Variants in BPNT1 observed in about 807,000 individuals in gnomAD.
BPNT1 encodes the protein 3'(2'),5'-bisphosphate nucleotidase 1.
A neutral mutation model predicts 36.9 loss-of-function variants in BPNT1; 28 were observed. The ratio of observed to expected loss-of-function variants is 0.76; its 90% CI spans 0.56 to 1.04. The LOEUF (loss-of-function observed/expected upper bound fraction) is 1.04, where lower values mean the gene tolerates loss of function less well. Ranked by LOEUF, BPNT1 falls within the 50% of genes least tolerant of loss-of-function variation. The pLI, the probability that BPNT1 is intolerant of heterozygous loss-of-function variation, is 0.00. For missense variants in BPNT1, 313 were observed against 372.9 expected (o/e 0.84, Z 1.32); for synonymous variants, 119 against 130.9 (o/e 0.91, Z 0.62).
chr1:220,081,100 G>A (rs148731841), intron 1 of BPNT1, among the ~76,000 whole-genome samples: 35 of 152,208 alleles, frequency 2.3e-4, no homozygotes, highest in East Asian at 1.4e-3. Flanking sequence ...CACCATGCTC[G>A]GCTAATTTTT....
intron 6 of BPNT1, among the ~76,000 whole-genome samples, chr1:220,066,594 T>G (rs539084770): frequency 1.7e-4 from 26 of 152,340 alleles, no homozygotes; most frequent in Middle Eastern, 3.4e-3. Flanking sequence ...ATACCTTAAC[T>G]ACTTTATCTC....
chr1:220,074,196 C>A, intron 2 of BPNT1, 125 bp from the exon 3 acceptor site: 1 of 754,760 alleles, frequency 1.3e-6, no homozygotes, highest in South Asian at 2.1e-5. Context: ...GAACTTAACA[C>A]CAAATGAGTT....
chr1:220,069,518 T>C (rs981596388), intron 4 of BPNT1, 86 bp from the exon 5 acceptor site: 62 of 1,017,334 alleles, frequency 6.1e-5, no homozygotes, highest in Non-Finnish European at 8.1e-5. Flanking sequence ...AATTACTCTT[T>C]TTTTCCTGTT....
intron 2 of BPNT1, among the ~76,000 whole-genome samples, chr1:220,078,044 G>A (rs530616703): frequency 8.6e-5 from 13 of 151,842 alleles, no homozygotes; most frequent in Admixed American, 6.6e-4. Context: ...GTGTCGTGGC[G>A]CTTGCCTGTA....
rs575422297 is a variant in BPNT1, at chr1:220,086,536, G to A, written c.-9+3150C>T. Reference sequence around the variant, plus strand: ...TGATCCACCCTCCTCGGCCTCCCAAGGTGCTGGGATTACAGGCATGAGCCA... The same window carrying A: ...TGATCCACCCTCCTCGGCCTCCCAAAGTGCTGGGATTACAGGCATGAGCCA... On this transcript the variant is annotated intron_variant, in intron 1 of 8. Coordinates refer to ENST00000322067, the MANE Select transcript of BPNT1 (RefSeq NM_006085.6). Among the ~76,000 whole-genome samples, 110 of 151,898 alleles carry A rather than the reference G, an allele frequency of 7.2e-4. 1 individual carries two copies. Among genetic ancestry groups the A allele is most frequent in the African/African-American group, 2.5e-3 (104 of 41,442 alleles).
intron 1 of BPNT1, among the ~76,000 whole-genome samples, chr1:220,081,585 G>A (rs563831884): frequency 2.0e-5 from 3 of 151,696 alleles, no homozygotes; most frequent in Admixed American, 6.6e-5. Flanking sequence ...CGAAATTTTC[G>A]TGACTGTCCT....
At chr1:220,079,051 A>G (rs1664867125) in intron 2 of BPNT1, among the ~76,000 whole-genome samples, 1 of 152,222 alleles carries the variant, frequency 6.6e-6, no homozygotes. Flanking sequence ...GAAGAAAAGA[A>G]TGTATCACTT....
intron 6 of BPNT1, among the ~76,000 whole-genome samples, chr1:220,065,429 G>A (rs937181550): frequency 6.6e-6 from 1 of 152,156 alleles, no homozygotes; most frequent in African/African-American, 2.4e-5. Flanking sequence ...TAAGAAACTG[G>A]CTTCAGTATG....
intron 1 of BPNT1, among the ~76,000 whole-genome samples, chr1:220,086,514 T>C (rs970900189): frequency 2.0e-5 from 3 of 151,758 alleles, no homozygotes; most frequent in Admixed American, 6.6e-5. Flanking sequence ...CCTCAAGTGA[T>C]CCACCCTCCT....
intron 5 of BPNT1, among the ~76,000 whole-genome samples, chr1:220,067,923 T>C (rs1016371414): frequency 7.9e-5 from 12 of 152,206 alleles, no homozygotes. Flanking sequence ...ATAAGCTTTC[T>C]AGGTGCTTTT....
intron 2 of BPNT1, among the ~76,000 whole-genome samples, chr1:220,076,572 C>T (rs1292550658): frequency 6.6e-6 from 1 of 150,430 alleles, no homozygotes; most frequent in Non-Finnish European, 1.5e-5. Flanking sequence ...GTAATCCCAG[C>T]TACCCAGGAG....
chr1:220,078,321 A>G (rs1489321657), intron 2 of BPNT1, among the ~76,000 whole-genome samples: 1 of 145,004 alleles, frequency 6.9e-6, no homozygotes, highest in Non-Finnish European at 1.5e-5. Context: ...TATAATATAT[A>G]TAACATATAA....
In BPNT1 at chr1:220,079,857, A is replaced by T. The variant is rs749027749; in HGVS notation, c.-8-3T>A. Reference sequence around the variant, plus strand: ...GTTACTGGAAGCCATGGTACACTCTAAAAAGAGATCAAGAAAAATGTCTTG... The same window carrying T: ...GTTACTGGAAGCCATGGTACACTCTTAAAAGAGATCAAGAAAAATGTCTTG... On this transcript the variant is annotated splice_region_variant and splice_polypyrimidine_tract_variant and intron_variant, in intron 1 of 8. Coordinates refer to ENST00000322067, the MANE Select transcript of BPNT1 (RefSeq NM_006085.6). 1 of 1,603,628 alleles carries T rather than the reference A, an allele frequency of 6.2e-7. No individual in the cohort carries two copies. The highest frequency in any genetic ancestry group is 2.2e-5 in the East Asian group (1 of 44,776).
At chr1:220,087,332 G>A (rs115967737) in intron 1 of BPNT1, among the ~76,000 whole-genome samples, 3,334 of 152,198 alleles carry the variant, frequency 0.022, 52 homozygotes, top group South Asian at 0.084. Flanking sequence ...CAAGTCGGGC[G>A]GATGACGAGG....
intron 4 of BPNT1, among the ~76,000 whole-genome samples, chr1:220,072,597 G>A (rs1427535275): frequency 6.6e-6 from 1 of 152,134 alleles, no homozygotes; most frequent in Non-Finnish European, 1.5e-5. Context: ...TTACAGGTGT[G>A]AGCCACCATG....
intron 4 of BPNT1, 97 bp from the exon 5 acceptor site, chr1:220,069,529 T>A: frequency 1.1e-6 from 1 of 883,500 alleles, no homozygotes; most frequent in Non-Finnish European, 1.7e-6. Context: ...TTTTCCTGTT[T>A]GAAATTGTAT....
At chr1:220,089,228 G>A (rs1370637997) in intron 1 of BPNT1, among the ~76,000 whole-genome samples, 1 of 152,050 alleles carries the variant, frequency 6.6e-6, no homozygotes, top group African/African-American at 2.4e-5. Context: ...ATGTTCCTGA[G>A]CATTGTTGGC....
chr1:220,074,372 T>C (rs78111991), intron 2 of BPNT1, among the ~76,000 whole-genome samples: 10,470 of 152,296 alleles, frequency 0.069, 482 homozygotes, highest in South Asian at 0.12. Context: ...TGTATAACTT[T>C]TCAAGGCAAA....
At chr1:220,083,138 G>C (rs1315588932) in intron 1 of BPNT1, among the ~76,000 whole-genome samples, 1 of 151,026 alleles carries the variant, frequency 6.6e-6, no homozygotes, top group East Asian at 2.1e-4. Context: ...TCAGGAGGCT[G>C]AGGCAGGAGA....
Sources: allele counts gnomAD v4.1 joint callset (sites outside exome capture counted in the v4.1 genomes callset), GRCh38; gene constraint gnomAD v4.1.1; transcripts MANE v1.5; gene names NCBI Gene and HGNC (gene_info 2026-07-23, HGNC 2026-07-21).